NRG1: variants seen among roughly 807,000 people sequenced by gnomAD.
The protein encoded by NRG1 is neuregulin 1.
A neutral mutation model predicts 63.8 loss-of-function variants in NRG1; 18 were observed. The observed-to-expected ratio is 0.28, with a 90% CI of 0.19 to 0.42. NRG1 has a LOEUF of 0.42. Ranked by LOEUF, NRG1 falls within the 10% of genes least tolerant of loss-of-function variation. The probability of loss-of-function intolerance (pLI) is 1.00; values close to 1 mark genes in which losing one functional copy is unlikely to be tolerated. For missense variants in NRG1, 762 were observed against 814.7 expected (o/e 0.94, Z 0.79); for synonymous variants, 302 against 301.3 (o/e 1.00, Z -0.02).
chr8:32,165,341 A>T (rs1422442571), intron 1 of NRG1, among the ~76,000 whole-genome samples: 1 of 152,038 alleles, frequency 6.6e-6, no homozygotes, highest in Non-Finnish European at 1.5e-5. Flanking sequence ...ATAGAGTCTC[A>T]CTATGTTTAC....
At chr8:32,270,609 TTCACTG>T (rs1851441872) in intron 1 of NRG1, among the ~76,000 whole-genome samples, 1 of 152,218 alleles carries the variant, frequency 6.6e-6, no homozygotes, top group African/African-American at 2.4e-5. Flanking sequence ...AGAGTGATGT[TTCACTG>T]TCACCTTTAA....
chr8:32,229,324 C>T (rs1846656486), intron 1 of NRG1, among the ~76,000 whole-genome samples: 2 of 152,086 alleles, frequency 1.3e-5, no homozygotes, highest in South Asian at 4.1e-4. Context: ...TACTCATTTA[C>T]CAGGGCAGCT....
intron 1 of NRG1, among the ~76,000 whole-genome samples, chr8:31,877,397 A>G (rs1306094841): frequency 6.6e-6 from 1 of 151,822 alleles, no homozygotes; most frequent in African/African-American, 2.4e-5. Flanking sequence ...CTTATTTGAA[A>G]TGTGTTTGTT....
At chr8:32,366,671 GTGTGTGTATATATATATA>G (rs1281409634) in intron 1 of NRG1, among the ~76,000 whole-genome samples, 5 of 86,522 alleles carry the variant, frequency 5.8e-5, no homozygotes, top group African/African-American at 1.5e-4. Context: ...GTGTGTGTGT[GTGTGTGTATATATATATA>G]TATATATATA....
At chr8:32,034,101 C>G (rs1184477218) in intron 1 of NRG1, among the ~76,000 whole-genome samples, 3 of 152,004 alleles carry the variant, frequency 2.0e-5, no homozygotes, top group Admixed American at 2.0e-4. Context: ...ATAAATGGCT[C>G]TTATTATTTT....
At chr8:32,154,532 CTCTT>C (rs1362748792) in intron 1 of NRG1, among the ~76,000 whole-genome samples, 3 of 152,044 alleles carry the variant, frequency 2.0e-5, no homozygotes, top group Non-Finnish European at 4.4e-5. Context: ...TCCTCCTTCT[CTCTT>C]TATTTTCCTT....
intron 1 of NRG1, among the ~76,000 whole-genome samples, chr8:32,350,987 T>C (rs190890446): frequency 3.9e-5 from 6 of 152,314 alleles, no homozygotes; most frequent in African/African-American, 1.2e-4. Context: ...GTTTAACTTC[T>C]TACTCTTTCC....
chr8:32,524,418 C>T (rs1006748303), intron 1 of NRG1, among the ~76,000 whole-genome samples: 3 of 152,120 alleles, frequency 2.0e-5, no homozygotes, highest in Admixed American at 2.0e-4. Context: ...TCCTGACTAC[C>T]CATCTTTTTC....
intron 5 of NRG1, among the ~76,000 whole-genome samples, chr8:32,704,004 T>C (rs1815662729): frequency 6.6e-6 from 1 of 152,196 alleles, no homozygotes; most frequent in Non-Finnish European, 1.5e-5. Flanking sequence ...GAACAAGCAC[T>C]TACAAAGTAG....
intron 1 of NRG1, among the ~76,000 whole-genome samples, chr8:32,559,951 A>G (rs1836056892): frequency 6.6e-6 from 1 of 152,044 alleles, no homozygotes; most frequent in South Asian, 2.1e-4. Flanking sequence ...GAGCTCTCAG[A>G]GGTTGCAGTG....
At chr8:31,782,720 C>T (rs1289028323) in intron 1 of NRG1, among the ~76,000 whole-genome samples, 3 of 152,146 alleles carry the variant, frequency 2.0e-5, no homozygotes, top group African/African-American at 7.2e-5. Flanking sequence ...GAACCCAACG[C>T]TGTGCTTTAC....
chr8:32,497,507 AT>A (rs1009042373), intron 1 of NRG1, among the ~76,000 whole-genome samples: 7 of 151,962 alleles, frequency 4.6e-5, no homozygotes, highest in African/African-American at 1.7e-4. Flanking sequence ...AACAATTTAA[AT>A]TTAGCATAAT....
At chr8:32,318,116 TG>T (rs1800974554) in intron 1 of NRG1, among the ~76,000 whole-genome samples, 1 of 152,208 alleles carries the variant, frequency 6.6e-6, no homozygotes, top group Non-Finnish European at 1.5e-5. Flanking sequence ...TTGAAGTATT[TG>T]GCAGAAGGCA....
chr8:32,303,917 GTC>G (rs1487937064), intron 1 of NRG1, among the ~76,000 whole-genome samples: 2 of 152,106 alleles, frequency 1.3e-5, no homozygotes, highest in Non-Finnish European at 2.9e-5. Context: ...AATGTTGATA[GTC>G]TCTCAATTAA....
At chr8:31,713,098 T>G in intron 1 of NRG1, among the ~76,000 whole-genome samples, 1 of 149,618 alleles carries the variant, frequency 6.7e-6, no homozygotes, top group Non-Finnish European at 1.5e-5. Context: ...CTCACTGCCA[T>G]ACTCCTTCTA....
downstream of NRG1, among the ~76,000 whole-genome samples, chr8:32,768,239 G>A (rs1385498593): frequency 6.6e-6 from 1 of 152,182 alleles, no homozygotes; most frequent in Non-Finnish European, 1.5e-5. Flanking sequence ...AACAGAGAGA[G>A]AATATTCTAG....
At chr8:31,677,657 T>G (rs958834572) in intron 1 of NRG1, among the ~76,000 whole-genome samples, 2 of 152,166 alleles carry the variant, frequency 1.3e-5, no homozygotes, top group African/African-American at 4.8e-5. Context: ...TAAAATTTAA[T>G]GTATTGGATC....
At chr8:32,446,843 G>T (rs1820308415) in intron 1 of NRG1, among the ~76,000 whole-genome samples, 2 of 152,002 alleles carry the variant, frequency 1.3e-5, no homozygotes, top group Non-Finnish European at 2.9e-5. Flanking sequence ...TCCATGCAAA[G>T]CTTCTCCACA....
intron 1 of NRG1, among the ~76,000 whole-genome samples, chr8:32,055,541 A>G (rs1326227766): frequency 6.6e-6 from 1 of 152,200 alleles, no homozygotes; most frequent in East Asian, 1.9e-4. Flanking sequence ...ATTTCTCAGA[A>G]GACAAATATA....
Sources: gnomAD v4.1 joint callset for allele counts (sites outside exome capture counted in the v4.1 genomes callset) on GRCh38, gnomAD v4.1.1 for gene constraint, MANE v1.5 for transcripts, NCBI Gene and HGNC (gene_info 2026-07-23, HGNC 2026-07-21) for gene names.